SNX2: variants seen among roughly 807,000 people sequenced by gnomAD.
SNX2 encodes the protein sorting nexin-2.
A neutral mutation model predicts 69.9 loss-of-function variants in SNX2; 25 were observed. That is an observed-to-expected ratio of 0.36 (90% CI 0.26 to 0.50). The LOEUF (loss-of-function observed/expected upper bound fraction) is 0.50. Ranked by LOEUF, SNX2 falls within the 20% of genes least tolerant of loss-of-function variation. The pLI is 0.97. For missense variants in SNX2, 551 were observed against 613.3 expected (o/e 0.90, Z 1.07); for synonymous variants, 229 against 200.4 (o/e 1.14, Z -1.20).
intron 6 of SNX2, among the ~76,000 whole-genome samples, chr5:122,806,636 T>C (rs1186298274): frequency 6.6e-6 from 1 of 151,974 alleles, no homozygotes; most frequent in East Asian, 1.9e-4. Flanking sequence ...TATTTATTGG[T>C]CACAATGTCC....
At chr5:122,779,616 C>T (rs983143352) in intron 1 of SNX2, among the ~76,000 whole-genome samples, 6 of 152,184 alleles carry the variant, frequency 3.9e-5, no homozygotes, top group East Asian at 3.9e-4. Context: ...TGAATAATGC[C>T]GTTAACATTC....
Position 122,775,201 on chromosome 5 carries a change from C to A in SNX2, c.98C>A (p.Ser33Tyr). 1 of 1,578,804 alleles carries A rather than the reference C, an allele frequency of 6.3e-7. No homozygotes were observed. The highest frequency in any genetic ancestry group is 2.3e-5 in the East Asian group (1 of 43,150). The change falls in exon 1 of 15, where the codon TCC (serine) becomes TAC (tyrosine). Residue 33 changes from serine to tyrosine, a missense_variant. Ser to Tyr is a moderately radical substitution (Grantham distance 144). Transcript: ENST00000379516. ...GAGGACCTGTTCACCAGCACTGTCT[C>A]CACCCTAGAGGTGAGACCGCGTCGC... ...DGEDLFTSTV[S>Y]TLESSPSSPE... is the part of the protein sequence containing the mutation.
At position 122,808,297 on chromosome 5, in the gene SNX2, G is replaced by C. The variant is rs756992726; in HGVS notation, c.664G>C (p.Gly222Arg). Residue 222 changes from glycine to arginine, a missense_variant, in exon 7 of 15, where the codon GGT becomes CGT. Gly to Arg is a moderately radical substitution (Grantham distance 125). Around this residue, in one of 2 missense-constraint regions of SNX2, gnomAD observed 360 missense variants for 450.4 expected, o/e 0.80. Transcript: ENST00000379516. The part of the protein sequence containing the change: ...SIVGMTKVKV[G>R]KEDSSSTEFV... ...CAAAGGGATGACCAAGGTCAAAGTG[G>C]GTAAAGAAGACTCATCATCCACTGA... The C allele has an allele frequency of 6.2e-7, 1 of 1,610,210 alleles. No individual in the cohort carries two copies. The highest frequency in any genetic ancestry group is 2.2e-5 in the East Asian group (1 of 44,656).
intron 5 of SNX2, 58 bp from the exon 6 acceptor site, chr5:122,803,414 A>C (rs1218988094): frequency 4.6e-6 from 7 of 1,510,450 alleles, no homozygotes; most frequent in Non-Finnish European, 5.4e-6. Flanking sequence ...GTATAACATT[A>C]ACTTGTGGAA....
At chr5:122,791,782 A>G (rs1753246556) in intron 1 of SNX2, among the ~76,000 whole-genome samples, 2 of 152,276 alleles carry the variant, frequency 1.3e-5, no homozygotes, top group Admixed American at 1.3e-4. Context: ...TGACATATCC[A>G]TCATTATTTT....
At position 122,804,138 on chromosome 5, in the gene SNX2, G is replaced by A. The variant is rs534991454; in HGVS notation, c.643+525G>A. On this transcript the variant is annotated intron_variant, in intron 6 of 14. Coordinates refer to ENST00000379516, the MANE Select transcript of SNX2 (RefSeq NM_003100.4). ...AGACTCCGTCTCAAAAAAAAAATTG[G>A]GTTGAAATTTATGAAGTTAAAAGCA... Among the ~76,000 whole-genome samples the A allele has an allele frequency of 3.3e-5, 5 of 152,000 alleles. No homozygotes were observed. In the South Asian group the frequency reaches 1.0e-3, roughly 32 times the overall value.
At chr5:122,801,782 T>G (rs1291482395) in intron 3 of SNX2, 87 bp from the exon 4 acceptor site, 1 of 841,752 alleles carries the variant, frequency 1.2e-6, no homozygotes, top group East Asian at 2.7e-5. Flanking sequence ...ACAGTGACTC[T>G]TACAGAAAAT....
chr5:122,775,469 G>A (rs1339280051), intron 1 of SNX2: 4 of 1,165,774 alleles, frequency 3.4e-6, no homozygotes, highest in Admixed American at 4.6e-5. Context: ...GAGCATTGCA[G>A]CGGCGCTTTC....
In SNX2 at chr5:122,795,254, CTTTTT is replaced by C. The variant is rs1753350794; in HGVS notation, c.109-10_109-6del. The C allele has an allele frequency of 6.4e-7, 1 of 1,573,524 alleles. No individual in the cohort carries two copies. The highest frequency in any genetic ancestry group is 8.7e-7 in the Non-Finnish European group (1 of 1,144,184). ...TGCCAATCCATTACCTATTATTGTT[CTTTTT>C]TAACAGTCAAGTCCATCATCTCCAG... On this transcript the variant is annotated splice_polypyrimidine_tract_variant and splice_region_variant and intron_variant, in intron 1 of 14. Coordinates refer to ENST00000379516, the MANE Select transcript of SNX2 (RefSeq NM_003100.4).
intron 7 of SNX2, among the ~76,000 whole-genome samples, chr5:122,811,364 A>G (rs1753771988): frequency 6.6e-6 from 1 of 152,214 alleles, no homozygotes; most frequent in Non-Finnish European, 1.5e-5. Flanking sequence ...TCTTTAGATC[A>G]TATTGAGTGT....
intron 6 of SNX2, among the ~76,000 whole-genome samples, 198 bp from the exon 7 acceptor site, chr5:122,808,079 T>A (rs1322587667): frequency 2.6e-5 from 4 of 152,204 alleles, no homozygotes; most frequent in Admixed American, 6.5e-5. Context: ...ATGTTTTAAG[T>A]ATTTACCAAG....
chr5:122,829,798 AC>A lies in SNX2; in HGVS notation c.*151del. 1 of 544,644 alleles carries A rather than the reference AC, an allele frequency of 1.8e-6. No homozygotes were observed. Among genetic ancestry groups the A allele is most frequent in the Non-Finnish European group, 3.3e-6 (1 of 307,290 alleles). 33.7% of individuals were successfully genotyped at this position (544,644 alleles called of 1,614,324 possible). On this transcript the variant is annotated 3_prime_UTR_variant, in exon 15 of 15. Transcript: ENST00000379516. ...TATACACACACACACACACACACAC[AC>A]ACACACACACACTCTGACATTTTAT... is the stretch of plus-strand genomic sequence containing the variant.
At chr5:122,784,514 CT>C (rs913619947) in intron 1 of SNX2, among the ~76,000 whole-genome samples, 3 of 148,124 alleles carry the variant, frequency 2.0e-5, no homozygotes, top group African/African-American at 2.5e-5. Context: ...ATTTTTTTTT[CT>C]TTTTTTTTAA....
At chr5:122,814,993 C>T (rs1032758858) in intron 7 of SNX2, among the ~76,000 whole-genome samples, 8 of 152,210 alleles carry the variant, frequency 5.3e-5, no homozygotes, top group African/African-American at 1.9e-4. Flanking sequence ...TCGTGATCCA[C>T]CCGCCTCGGC....
At chr5:122,828,493 C>CT (rs1253011991) in intron 14 of SNX2, among the ~76,000 whole-genome samples, 8 of 148,308 alleles carry the variant, frequency 5.4e-5, no homozygotes, top group East Asian at 2.0e-4. Context: ...CTATCCAGTC[C>CT]TTTTTTTTTT....
intron 14 of SNX2, 168 bp downstream of exon 14, chr5:122,827,814 C>A: frequency 5.4e-6 from 3 of 551,992 alleles, no homozygotes; most frequent in Non-Finnish European, 6.3e-6. Context: ...CGGAAACTAT[C>A]TCACGTGTTT....
chr5:122,822,306 A>G (rs1754042458), intron 11 of SNX2, among the ~76,000 whole-genome samples: 1 of 152,032 alleles, frequency 6.6e-6, no homozygotes, highest in East Asian at 1.9e-4. Context: ...AGGATGGCCT[A>G]TCTCTTGACC....
chr5:122,807,328 A>G (rs1753681616), intron 6 of SNX2, among the ~76,000 whole-genome samples: 1 of 152,126 alleles, frequency 6.6e-6, no homozygotes, highest in Non-Finnish European at 1.5e-5. Context: ...TGCATACATT[A>G]CCACAGTCAA....
chr5:122,783,212 TG>T (rs1753015069), intron 1 of SNX2, among the ~76,000 whole-genome samples: 1 of 152,134 alleles, frequency 6.6e-6, no homozygotes, highest in Non-Finnish European at 1.5e-5. Context: ...CCCAGACTGC[TG>T]GGATTATAGG....
Sources: gnomAD v4.1 joint callset for allele counts (sites outside exome capture counted in the v4.1 genomes callset) on GRCh38, gnomAD v4.1.1 for gene constraint, gnomAD v4.1.1 regional missense constraint, MANE v1.5 for transcripts, NCBI Gene and HGNC (gene_info 2026-07-23, HGNC 2026-07-21) for gene names.